Variants in NT5DC1 observed in about 807,000 individuals in gnomAD.
NT5DC1 encodes the protein 5'-nucleotidase domain containing 1.
In NT5DC1, 42 loss-of-function variants were observed where a neutral mutation model predicts 59.4. That is an observed-to-expected ratio of 0.71 (90% CI 0.55 to 0.92). The LOEUF (loss-of-function observed/expected upper bound fraction) is 0.92, where lower values mean the gene tolerates loss of function less well. Ranked by LOEUF, NT5DC1 falls within the 40% of genes least tolerant of loss-of-function variation. The pLI, the probability that NT5DC1 is intolerant of heterozygous loss-of-function variation, is 0.00. For synonymous variants in NT5DC1, 172 were observed against 188.1 expected, an observed-to-expected ratio of 0.91 and a Z score of 0.70; for missense variants, 501 against 537.1, an observed-to-expected ratio of 0.93 and a Z score of 0.66.
At chr6:116,215,334 TTGTCTATACTG>T (rs1320632647) in intron 6 of NT5DC1, among the ~76,000 whole-genome samples, 5 of 152,162 alleles carry the variant, frequency 3.3e-5, no homozygotes, top group African/African-American at 1.2e-4. Context: ...TTATTTTACT[TTGTCTATACTG>T]TGGAGCCTAA....
chr6:116,238,411 C>G (rs1782163997), intron 10 of NT5DC1, 63 bp downstream of exon 10: 6 of 1,012,100 alleles, frequency 5.9e-6, no homozygotes, highest in Non-Finnish European at 1.3e-6. Context: ...GCTAAAGTAT[C>G]TTTATACTAC....
At chr6:116,145,336 A>G in intron 6 of NT5DC1, 1 of 244,634 alleles carries the variant, frequency 4.1e-6, no homozygotes, top group South Asian at 4.5e-5. Flanking sequence ...TGAGTTCAGT[A>G]ACTCTATGAA....
intron 4 of NT5DC1, among the ~76,000 whole-genome samples, chr6:116,111,477 C>T (rs938134109): frequency 6.6e-6 from 1 of 152,098 alleles, no homozygotes; most frequent in African/African-American, 2.4e-5. Flanking sequence ...AATGATTTTT[C>T]AGAAATGATT....
rs186135793 is a variant in NT5DC1 at position 116,218,824 on chromosome 6, T to C, written c.530-2230T>C. 1.3e-4 allele frequency among the ~76,000 whole-genome samples: 20 copies of C among 149,136 alleles called. No individual in the cohort carries two copies. The East Asian group carries it at 3.7e-3, about 27-fold the overall frequency. On this transcript the variant is annotated intron_variant, in intron 6 of 11. Coordinates refer to ENST00000319550, the MANE Select transcript of NT5DC1 (RefSeq NM_152729.3). ...ATTTCTTTTGTTAGTTTTGGTCTGG[T>C]TATGATATTCATGCAATATATTTTC...
chr6:116,138,163 A>G (rs924175778), intron 6 of NT5DC1, among the ~76,000 whole-genome samples: 22 of 152,144 alleles, frequency 1.4e-4, no homozygotes, highest in African/African-American at 2.7e-4. Context: ...ACAACTTTGC[A>G]TATATTATTT....
chr6:116,205,669 T>G (rs1781437082), intron 6 of NT5DC1, among the ~76,000 whole-genome samples: 1 of 152,036 alleles, frequency 6.6e-6, no homozygotes, highest in South Asian at 2.1e-4. Context: ...TTGTGTAGTT[T>G]CCGTCTTTAT....
At chr6:116,113,437 G>T (rs1489910629) in intron 4 of NT5DC1, among the ~76,000 whole-genome samples, 1 of 152,184 alleles carries the variant, frequency 6.6e-6, no homozygotes, top group African/African-American at 2.4e-5. Context: ...TGATTCAGAG[G>T]CTTGTTTTGT....
At chr6:116,191,934 A>G (rs1781127195) in intron 6 of NT5DC1, among the ~76,000 whole-genome samples, 1 of 152,090 alleles carries the variant, frequency 6.6e-6, no homozygotes, top group African/African-American at 2.4e-5. Context: ...TGTAAGCTAC[A>G]TTGATTGCCA....
intron 6 of NT5DC1, among the ~76,000 whole-genome samples, chr6:116,215,771 C>T (rs1781677333): frequency 6.6e-6 from 1 of 152,052 alleles, no homozygotes; most frequent in Non-Finnish European, 1.5e-5. Context: ...CAAGTGCAGA[C>T]AATATGGCGT....
chr6:116,146,666 TCTTAAA>T (rs1358286109), intron 6 of NT5DC1, among the ~76,000 whole-genome samples: 1 of 152,220 alleles, frequency 6.6e-6, no homozygotes, highest in Non-Finnish European at 1.5e-5. Flanking sequence ...AACTTATGTT[TCTTAAA>T]CTTAAGTATG....
intron 6 of NT5DC1, among the ~76,000 whole-genome samples, chr6:116,155,347 T>TTATAG (rs1205237695): frequency 1.3e-5 from 2 of 152,144 alleles, no homozygotes; most frequent in East Asian, 3.8e-4. Context: ...ATTTAGCACT[T>TTATAG]TATAGTAGTG....
chr6:116,178,329 C>T (rs1378240068), intron 6 of NT5DC1, among the ~76,000 whole-genome samples: 1 of 152,104 alleles, frequency 6.6e-6, no homozygotes, highest in Admixed American at 6.6e-5. Context: ...GGTGGTATGG[C>T]CATAAGCCCT....
intron 6 of NT5DC1, chr6:116,125,274 A>G: frequency 6.4e-7 from 1 of 1,558,878 alleles, no homozygotes; most frequent in Admixed American, 1.8e-5. Context: ...TGTTAAAGAG[A>G]TTATTAAGAT....
At chr6:116,141,528 C>A (rs912901308) in intron 6 of NT5DC1, among the ~76,000 whole-genome samples, 18 of 152,084 alleles carry the variant, frequency 1.2e-4, no homozygotes, top group Non-Finnish European at 2.4e-4. Flanking sequence ...CAAGAAAAAA[C>A]GTGGCACCCT....
At chr6:116,168,970 T>G (rs1295322546) in intron 6 of NT5DC1, among the ~76,000 whole-genome samples, 4 of 152,322 alleles carry the variant, frequency 2.6e-5, no homozygotes, top group Non-Finnish European at 5.9e-5. Context: ...TGGGTCAACC[T>G]GGAGAGCTCA....
chr6:116,166,137 C>G (rs1056579999), intron 6 of NT5DC1, among the ~76,000 whole-genome samples: 1 of 152,038 alleles, frequency 6.6e-6, no homozygotes, highest in Non-Finnish European at 1.5e-5. Flanking sequence ...ACCCTTCAGG[C>G]GGGATTCAGA....
chr6:116,115,616 T>C lies in NT5DC1; in HGVS notation c.365-75T>C, dbSNP rs74944783. On this transcript the variant is annotated intron_variant, in intron 4 of 11. Coordinates refer to ENST00000319550, the MANE Select transcript of NT5DC1 (RefSeq NM_152729.3). ...TAATTAAACAAAATCTAGTGTCTCT[T>C]CAGCCATATTCCTGTGTATTTCACA... is the stretch of plus-strand genomic sequence containing the variant. The C allele has an allele frequency of 2.7e-4, 198 of 720,636 alleles. 1 individual carries two copies. The East Asian group carries it at 5.1e-3, about 19-fold the overall frequency. 44.6% of individuals were successfully genotyped at this position (720,636 alleles called of 1,614,324 possible).
At chr6:116,130,844 A>G (rs1173792728) in intron 6 of NT5DC1, among the ~76,000 whole-genome samples, 1 of 152,056 alleles carries the variant, frequency 6.6e-6, no homozygotes, top group Non-Finnish European at 1.5e-5. Context: ...ACAATTTCTC[A>G]AAATAAAAAT....
chr6:116,122,879 A>T (rs987946181), intron 6 of NT5DC1, among the ~76,000 whole-genome samples: 2 of 152,216 alleles, frequency 1.3e-5, no homozygotes, highest in African/African-American at 4.8e-5. Flanking sequence ...ATAAATACAT[A>T]GAGCTTTCCC....
Sources: gnomAD v4.1 joint callset for allele counts (sites outside exome capture counted in the v4.1 genomes callset) on GRCh38, gnomAD v4.1.1 for gene constraint, MANE v1.5 for transcripts, NCBI Gene and HGNC (gene_info 2026-07-23, HGNC 2026-07-21) for gene names.